LEPR: variants seen among roughly 807,000 people sequenced by gnomAD.
LEPR encodes the protein leptin receptor.
Under a neutral mutation model 114.7 loss-of-function variants are expected in LEPR, and 56 were observed. The observed-to-expected ratio is 0.49, with a 90% confidence interval of 0.39 to 0.61. The LOEUF (loss-of-function observed/expected upper bound fraction) is 0.61. Ranked by LOEUF, LEPR falls within the 20% of genes least tolerant of loss-of-function variation. LEPR has a pLI of 0.00. For missense variants in LEPR, 1,202 were observed against 1,352.9 expected, an observed-to-expected ratio of 0.89 and a Z score of 1.75; for synonymous variants, 443 against 461.4, an observed-to-expected ratio of 0.96 and a Z score of 0.51.
At chr1:65,437,751 G>A (rs554508010) in intron 2 of LEPR, among the ~76,000 whole-genome samples, 1 of 152,218 alleles carries the variant, frequency 6.6e-6, no homozygotes, top group African/African-American at 2.4e-5. Context: ...AGGATAAGTA[G>A]TATTTGGGTC....
intron 3 of LEPR, among the ~76,000 whole-genome samples, chr1:65,567,825 C>A (rs1222297407): frequency 6.6e-6 from 1 of 151,988 alleles, no homozygotes; most frequent in Non-Finnish European, 1.5e-5. Flanking sequence ...AGACTCCCTG[C>A]CCCACACATT....
At chr1:65,460,454 T>C (rs1646930787) in intron 2 of LEPR, among the ~76,000 whole-genome samples, 1 of 152,220 alleles carries the variant, frequency 6.6e-6, no homozygotes, top group Non-Finnish European at 1.5e-5. Flanking sequence ...TTTCTTTCTA[T>C]GGATCTGGCT....
intron 5 of LEPR, 115 bp downstream of exon 5, chr1:65,572,564 T>A: frequency 9.0e-7 from 1 of 1,107,836 alleles, no homozygotes; most frequent in Non-Finnish European, 1.3e-6. Context: ...ATTATATGTT[T>A]TATTTTTTAA....
In LEPR at chr1:65,548,739, T is replaced by G. The variant is rs559766681; in HGVS notation, c.-20-16807T>G. The stretch of plus-strand genomic sequence containing the variant: ...GATGGGTTTCCTGAATACAGCACAC[T>G]GATGGGTCTTGACTCTTTATCCAAT... On this transcript the variant is annotated intron_variant, in intron 2 of 19. Transcript: ENST00000349533. 2.1e-3 allele frequency among the ~76,000 whole-genome samples: 325 copies of G among 151,814 alleles called. 8 individuals are homozygous for G. The highest frequency in any genetic ancestry group is 2.7e-3 in the Non-Finnish European group (181 of 67,784).
At chr1:65,452,043 G>T (rs1003492332) in intron 2 of LEPR, among the ~76,000 whole-genome samples, 3 of 151,434 alleles carry the variant, frequency 2.0e-5, no homozygotes, top group African/African-American at 4.9e-5. Flanking sequence ...TGAAGCAATT[G>T]TGAATGGGAG....
In LEPR at chr1:65,568,640, C is replaced by T. The variant is rs375411163; in HGVS notation, c.41-1833C>T. Among the ~76,000 whole-genome samples, 110 of 151,952 alleles carry T rather than the reference C, an allele frequency of 7.2e-4. 1 individual carries two copies. The South Asian group carries it at 0.019, about 26-fold the overall frequency. ...AATAGTGCTGTGACAAACATATGAC[C>T]GCAGGTGTCTTTTTGTTACAATGAT... On this transcript the variant is annotated intron_variant, in intron 3 of 19. Coordinates refer to ENST00000349533, the MANE Select transcript of LEPR (RefSeq NM_002303.6).
At chr1:65,614,087 T>C (rs1026158630) in intron 14 of LEPR, among the ~76,000 whole-genome samples, 15 of 152,306 alleles carry the variant, frequency 9.8e-5, no homozygotes, top group African/African-American at 3.4e-4. Flanking sequence ...TGATGCAACA[T>C]TGCATCCTAG....
intron 2 of LEPR, among the ~76,000 whole-genome samples, chr1:65,512,068 A>G (rs1570586006): frequency 6.6e-6 from 1 of 152,240 alleles, no homozygotes; most frequent in East Asian, 1.9e-4. Context: ...ACATGGTGGG[A>G]GCAGGAACAA....
intron 2 of LEPR, among the ~76,000 whole-genome samples, chr1:65,426,527 G>A (rs1243034895): frequency 4.6e-5 from 7 of 152,064 alleles, no homozygotes; most frequent in Admixed American, 1.3e-4. Context: ...AATAGTAGGG[G>A]ACTACTATCA....
intron 2 of LEPR, among the ~76,000 whole-genome samples, chr1:65,493,671 C>T (rs1192933698): frequency 3.3e-5 from 5 of 152,012 alleles, no homozygotes; most frequent in East Asian, 3.9e-4. Context: ...TGAGATCTTT[C>T]TTTACATTTT....
intron 5 of LEPR, among the ~76,000 whole-genome samples, chr1:65,579,694 G>T (rs1341772896): frequency 3.9e-5 from 6 of 152,296 alleles, no homozygotes; most frequent in African/African-American, 1.4e-4. Flanking sequence ...TTATCAGCAG[G>T]TTAAGGCAAA....
Position 65,500,942 on chromosome 1 carries a change from T to C in LEPR, c.-20-64604T>C, listed in dbSNP as rs1346570992. 2.6e-5 allele frequency among the ~76,000 whole-genome samples: 4 copies of C among 152,122 alleles called. No homozygotes were observed. In the East Asian group the frequency reaches 5.8e-4, roughly 22 times the overall value. The stretch of plus-strand genomic sequence containing the variant: ...GAAGTGATTTCTGTTCTTCTGGAAT[T>C]GCCTAGTAATTCCTCATAATATTAA... On this transcript the variant is annotated intron_variant, in intron 2 of 19. Coordinates refer to ENST00000349533, the MANE Select transcript of LEPR (RefSeq NM_002303.6).
At position 65,605,239 on chromosome 1, in the gene LEPR, T is replaced by A; in HGVS notation, c.1603+2T>A. The A allele has an allele frequency of 6.2e-7, 1 of 1,614,044 alleles. No individual in the cohort carries two copies. Among genetic ancestry groups the A allele is most frequent in the Non-Finnish European group, 8.5e-7 (1 of 1,179,992 alleles). On this transcript the variant is annotated splice_donor_variant, in intron 11 of 19. Transcript: ENST00000349533. LOFTEE classifies it high-confidence loss of function. Reference sequence around the variant, plus strand: ...CATGTGTCCTTCCTGATTCTGTGGGTATGTCAAGCTGCGTTGTGTCTTCAT... The same window carrying A: ...CATGTGTCCTTCCTGATTCTGTGGGAATGTCAAGCTGCGTTGTGTCTTCAT...
At chr1:65,557,252 A>G (rs1361724939) in intron 2 of LEPR, among the ~76,000 whole-genome samples, 2 of 152,192 alleles carry the variant, frequency 1.3e-5, no homozygotes, top group Non-Finnish European at 2.9e-5. Flanking sequence ...CTCAGAATTT[A>G]TAATTGAACA....
chr1:65,603,881 G>A (rs1338011438), intron 10 of LEPR, among the ~76,000 whole-genome samples: 1 of 151,738 alleles, frequency 6.6e-6, no homozygotes, highest in Non-Finnish European at 1.5e-5. Context: ...TCTTTTCTGA[G>A]AAAATGAGGA....
At chr1:65,582,402 T>C (rs2100854058) in intron 5 of LEPR, among the ~76,000 whole-genome samples, 1 of 152,280 alleles carries the variant, frequency 6.6e-6, no homozygotes, top group East Asian at 1.9e-4. Context: ...AAGTTCTTCA[T>C]GGGATGTTGG....
chr1:65,499,494 C>T (rs1050857901), intron 2 of LEPR, among the ~76,000 whole-genome samples: 2 of 151,996 alleles, frequency 1.3e-5, no homozygotes, highest in African/African-American at 4.8e-5. Context: ...AATATCAGCC[C>T]CACCATTATT....
intron 5 of LEPR, chr1:65,576,834 A>T (rs756424138): frequency 3.5e-6 from 1 of 282,052 alleles, no homozygotes; most frequent in Admixed American, 3.9e-5. Flanking sequence ...GCAAGGCATG[A>T]TGAAGAACTT....
Position 65,592,867 on chromosome 1 carries a change from T to TAAGTTATGCACTAA in LEPR, c.703+5_703+18dup. On this transcript the variant is annotated splice_region_variant and intron_variant, in intron 6 of 19. Coordinates refer to ENST00000349533, the MANE Select transcript of LEPR (RefSeq NM_002303.6). The stretch of plus-strand genomic sequence containing the variant: ...TGTCAGTTCAGCCCATAAATATGGG[T>TAAGTTATGCACTAA]AAGTTATGCACTAAAATGATGATAA... The TAAGTTATGCACTAA allele has an allele frequency of 6.2e-7, 1 of 1,612,690 alleles. No homozygotes were observed. The highest frequency in any genetic ancestry group is 8.5e-7 in the Non-Finnish European group (1 of 1,179,008).
Sources: gnomAD v4.1 joint callset for allele counts (sites outside exome capture counted in the v4.1 genomes callset) on GRCh38, gnomAD v4.1.1 for gene constraint, MANE v1.5 for transcripts, NCBI Gene and HGNC (gene_info 2026-07-23, HGNC 2026-07-21) for gene names.